The following ATF7 variants were observed in gnomAD, a reference collection of about 807,000 sequenced individuals.
The protein encoded by ATF7 is cyclic AMP-dependent transcription factor ATF-7.
ATF7 carries 10 observed loss-of-function variants against 50.4 expected under a neutral mutation model. The ratio of observed to expected loss-of-function variants is 0.20; its 90% CI spans 0.12 to 0.34. ATF7 has a LOEUF of 0.34. Ranked by LOEUF, ATF7 falls within the 10% of genes least tolerant of loss-of-function variation. ATF7 has a pLI of 1.00. For missense variants in ATF7, 465 were observed against 613.9 expected (o/e 0.76, Z 2.56); for synonymous variants, 201 against 226.4 (o/e 0.89, Z 1.01).
At chr12:53,577,832 C>T (rs1031161648) in intron 2 of ATF7, among the ~76,000 whole-genome samples, 1 of 151,672 alleles carries the variant, frequency 6.6e-6, no homozygotes, top group Non-Finnish European at 1.5e-5. Flanking sequence ...ATGTCAGACA[C>T]CACACCATAA....
Position 53,587,843 on chromosome 12 carries a change from A to ATATATATATT in ATF7, c.48+13109_48+13110insAATATATATA. Reference sequence around the variant, plus strand: ...TACATATATATATATATATATATATATTTTTTTTTTTTTTTCTTTTTGACA... The same window carrying ATATATATATT: ...TACATATATATATATATATATATATATATATATATTTTTTTTTTTTTTTTTCTTTTTGACA... On this transcript the variant is annotated intron_variant, in intron 2 of 11. Transcript: ENST00000420353. Among the ~76,000 whole-genome samples, 485 of 61,456 alleles carry ATATATATATT rather than the reference A, an allele frequency of 7.9e-3. 6 individuals are homozygous for ATATATATATT. The highest frequency in any genetic ancestry group is 0.011 in the Non-Finnish European group (318 of 29,410). 40.3% of individuals were successfully genotyped at this position (61,456 alleles called of 152,430 possible).
intron 1 of ATF7, among the ~76,000 whole-genome samples, chr12:53,624,445 C>T (rs952608807): frequency 3.3e-5 from 5 of 152,304 alleles, no homozygotes; most frequent in East Asian, 3.9e-4. Flanking sequence ...GCAAAATCTA[C>T]GCAAGAGCAA....
intron 1 of ATF7, among the ~76,000 whole-genome samples, chr12:53,620,656 T>G (rs938226446): frequency 1.4e-5 from 2 of 145,692 alleles, no homozygotes; most frequent in Admixed American, 6.9e-5. Context: ...CTTGGGAAGC[T>G]AAGGCCTGAG....
At chr12:53,537,175 T>A (rs1443354228) in intron 5 of ATF7, among the ~76,000 whole-genome samples, 1 of 151,840 alleles carries the variant, frequency 6.6e-6, no homozygotes, top group Middle Eastern at 3.4e-3. Flanking sequence ...GCTTAAGTGA[T>A]CCTCCACCTC....
chr12:53,594,137 AAGAC>A (rs1263172136), intron 2 of ATF7, among the ~76,000 whole-genome samples: 15 of 152,240 alleles, frequency 9.9e-5, no homozygotes, highest in African/African-American at 3.6e-4. Context: ...GGATAAATGA[AAGAC>A]AGGCTCTAAG....
At chr12:53,535,644 C>A (rs939170564) in intron 5 of ATF7, among the ~76,000 whole-genome samples, 28 of 152,016 alleles carry the variant, frequency 1.8e-4, no homozygotes, top group Non-Finnish European at 4.4e-5. Context: ...TACTATATTT[C>A]AATAAATGTA....
chr12:53,542,107 G>GTTTTT (rs1199418506), intron 4 of ATF7, among the ~76,000 whole-genome samples: 2 of 101,448 alleles, frequency 2.0e-5, no homozygotes, highest in African/African-American at 7.3e-5. Context: ...CGCCTGGCCT[G>GTTTTT]TTTTTTTTTT....
chr12:53,544,578 C>T (rs1477474293), intron 3 of ATF7, among the ~76,000 whole-genome samples: 1 of 152,028 alleles, frequency 6.6e-6, no homozygotes, highest in Admixed American at 6.6e-5. Flanking sequence ...GAAACTCCAT[C>T]TCTACAAAAA....
At position 53,531,729 on chromosome 12, in the gene ATF7, G is replaced by C; in HGVS notation, c.927+15C>G. 6.2e-7 allele frequency: 1 copy of C among 1,605,444 alleles called. No individual in the cohort carries two copies. Among genetic ancestry groups the C allele is most frequent in the Non-Finnish European group, 8.5e-7 (1 of 1,176,122 alleles). On this transcript the variant is annotated intron_variant, in intron 9 of 11. Coordinates refer to ENST00000420353, the MANE Select transcript of ATF7 (RefSeq NM_006856.3). The stretch of plus-strand genomic sequence containing the variant: ...ACGTCATAAAGATATGACATAAAGA[G>C]TAAGAGCCACTGACCTGTGGCTGGG...
chr12:53,517,254 T>G lies in ATF7; in HGVS notation c.1335A>C (p.Ala445=). ...APSNGLSVRS[A]AEAVATSVLT... ...GGACCGAGGTGGCCACAGCTTCAGC[T>G]GCAGAGCGAACACTGAGGCCATTGC... Residue 445 remains alanine, a synonymous_variant, in exon 12 of 12, where the codon GCA becomes GCC. Coordinates refer to ENST00000420353, the MANE Select transcript of ATF7 (RefSeq NM_006856.3). 6.2e-7 allele frequency: 1 copy of G among 1,614,062 alleles called. No individual in the cohort carries two copies. The highest frequency in any genetic ancestry group is 8.5e-7 in the Non-Finnish European group (1 of 1,179,904).
chr12:53,599,100 T>C (rs1465223707), intron 2 of ATF7, among the ~76,000 whole-genome samples: 1 of 152,188 alleles, frequency 6.6e-6, no homozygotes, highest in Non-Finnish European at 1.5e-5. Context: ...GGCATGATCA[T>C]GGCCCACTGT....
chr12:53,548,465 G>A (rs1343648906), intron 3 of ATF7, among the ~76,000 whole-genome samples: 1 of 151,848 alleles, frequency 6.6e-6, no homozygotes, highest in Non-Finnish European at 1.5e-5. Flanking sequence ...CCAAGTAGCT[G>A]GGACTACGTG....
At position 53,517,083 on chromosome 12, in the gene ATF7, C is replaced by T; in HGVS notation, c.*54G>A. 6.3e-7 allele frequency: 1 copy of T among 1,578,970 alleles called. No individual in the cohort carries two copies. The highest frequency in any genetic ancestry group is 1.3e-5 in the African/African-American group (1 of 74,506). Reference sequence around the variant, plus strand: ...TGGGAGGGGATAAGATGACATCTCTCTTGGCTCTTGGGCGGGCGAGCTCTG... The same window carrying T: ...TGGGAGGGGATAAGATGACATCTCTTTTGGCTCTTGGGCGGGCGAGCTCTG... On this transcript the variant is annotated 3_prime_UTR_variant, in exon 12 of 12. Coordinates refer to ENST00000420353, the MANE Select transcript of ATF7 (RefSeq NM_006856.3).
chr12:53,615,344 A>G (rs967077515), intron 1 of ATF7, among the ~76,000 whole-genome samples: 5 of 152,180 alleles, frequency 3.3e-5, no homozygotes, highest in African/African-American at 1.2e-4. Flanking sequence ...AGCTCGTGCC[A>G]CTGCACTCCA....
At chr12:53,567,630 T>C (rs1397096795) in intron 2 of ATF7, among the ~76,000 whole-genome samples, 2 of 152,196 alleles carry the variant, frequency 1.3e-5, no homozygotes, top group Non-Finnish European at 2.9e-5. Context: ...GACCAGTGCC[T>C]AGGAGGCAGA....
chr12:53,587,366 C>G (rs1392466727), intron 2 of ATF7, among the ~76,000 whole-genome samples: 1 of 62,264 alleles, frequency 1.6e-5, no homozygotes, highest in Non-Finnish European at 3.0e-5. Flanking sequence ...AATTCCGCAT[C>G]AAAAAAAAAA....
Position 53,513,434 on chromosome 12 carries a change from G to T in ATF7, c.*3703C>A, listed in dbSNP as rs1944191534. 6.6e-6 allele frequency: 1 copy of T among 152,148 alleles called. No homozygotes were observed. The highest frequency in any genetic ancestry group is 1.5e-5 in the Non-Finnish European group (1 of 68,034). The allele number at this position is 152,148 out of a possible 1,614,324, so 9.4% of individuals were successfully genotyped here. ...GGGAGGCTGTAGTGGGGTGGAGGGA[G>T]TCCTTTAATCTGCCTTAGGATCCCC... On this transcript the variant is annotated 3_prime_UTR_variant, in exon 12 of 12. Coordinates refer to ENST00000420353, the MANE Select transcript of ATF7 (RefSeq NM_006856.3).
At chr12:53,555,076 C>T (rs1241114063) in intron 2 of ATF7, among the ~76,000 whole-genome samples, 1 of 151,904 alleles carries the variant, frequency 6.6e-6, no homozygotes, top group African/African-American at 2.4e-5. Context: ...AATCCCAGCA[C>T]TGGGAGGCTG....
At chr12:53,509,852 G>A (rs1341408965), downstream of ATF7, among the ~76,000 whole-genome samples, 1 of 152,032 alleles carries the variant, frequency 6.6e-6, no homozygotes, top group Non-Finnish European at 1.5e-5. Context: ...CACTCTTTAA[G>A]GCAAGGCATC....
Sources: gnomAD v4.1 joint callset for allele counts (sites outside exome capture counted in the v4.1 genomes callset) on GRCh38, gnomAD v4.1.1 for gene constraint, MANE v1.5 for transcripts, NCBI Gene and HGNC (gene_info 2026-07-23, HGNC 2026-07-21) for gene names.